TTC1: variants seen among roughly 807,000 people sequenced by gnomAD.
TTC1 encodes the protein tetratricopeptide repeat domain 1, also known as tetratricopeptide repeat protein 1.
Under a neutral mutation model 37.6 loss-of-function variants are expected in TTC1, and 31 were observed. The observed-to-expected ratio is 0.82, with a 90% CI of 0.62 to 1.11. The LOEUF (loss-of-function observed/expected upper bound fraction) is 1.11. TTC1 is among the 50% of genes most tolerant of loss of function. The probability of loss-of-function intolerance (pLI) is 0.00; values close to 1 mark genes in which losing one functional copy is unlikely to be tolerated. For missense variants in TTC1, 351 were observed against 339.0 expected, an observed-to-expected ratio of 1.04 and a Z score of -0.28; for synonymous variants, 127 against 122.4, an observed-to-expected ratio of 1.04 and a Z score of -0.25.
chr5:160,031,746 A>G (rs1756913770), intron 2 of TTC1, among the ~76,000 whole-genome samples: 1 of 152,150 alleles, frequency 6.6e-6, no homozygotes, highest in Non-Finnish European at 1.5e-5. Context: ...TCACACCTAT[A>G]ATCCCAACAC....
chr5:160,011,282 A>G (rs1363071321), intron 2 of TTC1, among the ~76,000 whole-genome samples: 1 of 152,218 alleles, frequency 6.6e-6, no homozygotes, highest in African/African-American at 2.4e-5. Flanking sequence ...CTTGTTAGCA[A>G]AATATGACTG....
At chr5:160,016,959 A>C (rs1343868498) in intron 2 of TTC1, among the ~76,000 whole-genome samples, 1 of 152,234 alleles carries the variant, frequency 6.6e-6, no homozygotes, top group East Asian at 1.9e-4. Flanking sequence ...GGAGGAAAGC[A>C]GTTAAGATTT....
chr5:160,052,285 C>T (rs986731201), intron 7 of TTC1, among the ~76,000 whole-genome samples: 2 of 152,088 alleles, frequency 1.3e-5, no homozygotes, highest in African/African-American at 2.4e-5. Context: ...AGGAGGATTG[C>T]TTGAGCCCAG....
chr5:160,042,130 A>G (rs1291027942), intron 4 of TTC1, among the ~76,000 whole-genome samples: 2 of 152,080 alleles, frequency 1.3e-5, no homozygotes, highest in Admixed American at 6.6e-5. Flanking sequence ...GGGTTTCACC[A>G]TGTTGGCCAG....
At chr5:160,064,360 C>G (rs779372648) in intron 7 of TTC1, among the ~76,000 whole-genome samples, 1 of 152,176 alleles carries the variant, frequency 6.6e-6, no homozygotes, top group African/African-American at 2.4e-5. Context: ...CTGTGCAAAT[C>G]AAGATGATCC....
At chr5:160,061,991 A>G (rs569016592) in intron 7 of TTC1, 5 of 152,394 alleles carry the variant, frequency 3.3e-5, no homozygotes, top group African/African-American at 1.2e-4. Context: ...TGCCCCTCAG[A>G]CGAGTCCCTC....
intron 2 of TTC1, chr5:160,024,123 C>T: frequency 2.9e-6 from 2 of 688,222 alleles, no homozygotes; most frequent in South Asian, 3.5e-5. Context: ...GTACATAGCA[C>T]AGTGCCTACA....
chr5:160,042,261 G>C (rs113804717), intron 4 of TTC1, among the ~76,000 whole-genome samples: 5 of 152,196 alleles, frequency 3.3e-5, no homozygotes, highest in Non-Finnish European at 7.3e-5. Flanking sequence ...TCCTGAAACA[G>C]TTTGGCTGTC....
At chr5:160,043,590 C>T (rs754369483) in intron 5 of TTC1, among the ~76,000 whole-genome samples, 2 of 151,960 alleles carry the variant, frequency 1.3e-5, no homozygotes, top group African/African-American at 2.4e-5. Flanking sequence ...ACCCTGTCTC[C>T]AAAAGAAAAA....
chr5:160,054,108 C>A (rs116565761), intron 7 of TTC1, among the ~76,000 whole-genome samples: 1 of 152,044 alleles, frequency 6.6e-6, no homozygotes, highest in Non-Finnish European at 1.5e-5. Context: ...TGGTCCTTTT[C>A]TCTGGGATAA....
chr5:160,027,162 T>C (rs1756822851), intron 2 of TTC1, among the ~76,000 whole-genome samples: 2 of 152,016 alleles, frequency 1.3e-5, no homozygotes, highest in South Asian at 4.1e-4. Context: ...CCTGAGTAGC[T>C]GGACTACAGG....
At chr5:160,011,967 A>G (rs1036824780) in intron 2 of TTC1, among the ~76,000 whole-genome samples, 2 of 152,192 alleles carry the variant, frequency 1.3e-5, no homozygotes, top group Non-Finnish European at 2.9e-5. Flanking sequence ...GACGCTTTTC[A>G]TTATCAAATC....
At chr5:160,013,277 C>T (rs2113339791) in intron 2 of TTC1, among the ~76,000 whole-genome samples, 1 of 151,920 alleles carries the variant, frequency 6.6e-6, no homozygotes, top group East Asian at 1.9e-4. Context: ...TTCAAGAAGC[C>T]AGCGAAACAG....
intron 7 of TTC1, among the ~76,000 whole-genome samples, chr5:160,061,403 A>G (rs149490698): frequency 2.6e-5 from 4 of 152,160 alleles, no homozygotes; most frequent in African/African-American, 9.6e-5. Flanking sequence ...TTTTGTGTGT[A>G]TGTCTTTTCT....
At chr5:160,058,242 C>T (rs1757596198) in intron 7 of TTC1, among the ~76,000 whole-genome samples, 1 of 152,116 alleles carries the variant, frequency 6.6e-6, no homozygotes, top group Non-Finnish European at 1.5e-5. Flanking sequence ...AAGCGCCACT[C>T]GAATTCTAGT....
At chr5:160,013,369 A>C (rs1238785764) in intron 2 of TTC1, among the ~76,000 whole-genome samples, 2 of 152,140 alleles carry the variant, frequency 1.3e-5, no homozygotes, top group Non-Finnish European at 2.9e-5. Context: ...GAATCTTTTA[A>C]AATAAAGTTC....
At chr5:160,038,639 T>G (rs936181122) in intron 4 of TTC1, among the ~76,000 whole-genome samples, 7 of 151,944 alleles carry the variant, frequency 4.6e-5, no homozygotes, top group Non-Finnish European at 8.8e-5. Context: ...TGAAGTTTTC[T>G]GTTCTTTTAA....
chr5:160,015,590 G>A (rs75030651), intron 2 of TTC1, among the ~76,000 whole-genome samples: 1,757 of 152,196 alleles, frequency 0.012, 23 homozygotes, highest in African/African-American at 0.024. Context: ...ACCCAGAGAG[G>A]GCGTGGCAGC....
chr5:160,044,643 G>T (rs1000124473), intron 5 of TTC1, among the ~76,000 whole-genome samples: 2 of 152,192 alleles, frequency 1.3e-5, no homozygotes, highest in East Asian at 3.8e-4. Context: ...ATGACCAGAG[G>T]TCACTTCCAT....
Sources: gnomAD v4.1 joint callset for allele counts (sites outside exome capture counted in the v4.1 genomes callset) on GRCh38, gnomAD v4.1.1 for gene constraint, MANE v1.5 for transcripts, NCBI Gene and HGNC (gene_info 2026-07-23, HGNC 2026-07-21) for gene names.